The following DDX23 variants were observed in gnomAD, a reference collection of about 807,000 sequenced individuals.
DDX23 encodes probable ATP-dependent RNA helicase DDX23.
A neutral mutation model predicts 102.7 loss-of-function variants in DDX23; 33 were observed. That is an observed-to-expected ratio of 0.32 (90% confidence interval 0.24 to 0.43). The LOEUF is 0.43. Among genes scored for constraint, DDX23 ranks in the 20% least tolerant of loss-of-function variants. The pLI is 1.00. For missense variants in DDX23, 549 were observed against 1,086.6 expected, an observed-to-expected ratio of 0.51 and a Z score of 6.96; for synonymous variants, 352 against 376.0, an observed-to-expected ratio of 0.94 and a Z score of 0.74.
chr12:48,836,540 A>C lies in DDX23; in HGVS notation c.1236+29T>G. On this transcript the variant is annotated intron_variant, in intron 10 of 16. Transcript: ENST00000308025. This position sits in a 1 kb window ranked among gnomAD's most constrained non-coding sequence, Gnocchi z 6.1. ...CCAAACTAGTGTAGGAACATGTCAG[A>C]TCTCTTGGGCCAATCTATCCCTCCT... 6.2e-7 allele frequency: 1 copy of C among 1,600,464 alleles called. No homozygotes were observed. The highest frequency in any genetic ancestry group is 8.6e-7 in the Non-Finnish European group (1 of 1,169,486).
chr12:48,836,853 C>T lies in DDX23; in HGVS notation c.1010+41G>A, dbSNP rs773085640. ...TGCCCTCCAACTCCTTTCTGTAGAG[C>T]CTCTGGGCTCTGTCCAGCCACCCTA... On this transcript the variant is annotated intron_variant, in intron 9 of 16. Coordinates refer to ENST00000308025, the MANE Select transcript of DDX23 (RefSeq NM_004818.3). The surrounding 1 kb of genome is among the most constrained non-coding windows in gnomAD (Gnocchi z 6.1). 1.2e-6 allele frequency: 2 copies of T among 1,613,798 alleles called. No individual in the cohort carries two copies. Among genetic ancestry groups the T allele is most frequent in the Non-Finnish European group, 1.7e-6 (2 of 1,179,808 alleles).
At chr12:48,844,283 T>C (rs55928083) in intron 2 of DDX23, among the ~76,000 whole-genome samples, 4 of 152,132 alleles carry the variant, frequency 2.6e-5, no homozygotes, top group Non-Finnish European at 5.9e-5. Context: ...TGAACCTTCC[T>C]TTTTTATTTT....
chr12:48,839,600 A>T, intron 5 of DDX23: 3 of 307,218 alleles, frequency 9.8e-6, no homozygotes, highest in Admixed American at 4.7e-5. Context: ...TTTTAGGGTG[A>T]GCCCTAATCC....
At position 48,844,016 on chromosome 12, in the gene DDX23, CCTT is replaced by C; in HGVS notation, c.241_243del (p.Lys81del). The C allele has an allele frequency of 6.2e-7, 1 of 1,614,142 alleles. No individual in the cohort carries two copies. The highest frequency in any genetic ancestry group is 8.5e-7 in the Non-Finnish European group (1 of 1,180,034). On this transcript the variant is annotated inframe_deletion, in exon 3 of 17. Transcript: ENST00000308025. ...CGGTCCTTCTTATTCCGATCCCGCTCCTTATCTCGTTCTCGTTCTTTGTGCCGT... is the reference window on the plus strand; with the variant it reads ...CGGTCCTTCTTATTCCGATCCCGCTCATCTCGTTCTCGTTCTTTGTGCCGT...
chr12:48,839,908 G>C lies in DDX23; in HGVS notation c.416C>G (p.Ala139Gly), dbSNP rs772488272. 14 of 1,614,140 alleles carry C rather than the reference G, an allele frequency of 8.7e-6. No individual in the cohort carries two copies. The Admixed American group carries it at 2.2e-4, about 25-fold the overall frequency. The change falls in exon 5 of 17, where the codon GCC becomes GGC. Residue 139 changes from alanine to glycine, a missense_variant and splice_region_variant. Ala to Gly is a moderately conservative substitution (Grantham distance 60). Transcript: ENST00000308025. ...EDEHGDKKPK[A>G]QPLSLEELLA... is the part of the protein sequence containing the mutation. ...AAGCTCCTCCAGGGATAATGGCTGG[G>C]CCTGAAGATAAAACAGAACTTTAGT...
At position 48,838,055 on chromosome 12, in the gene DDX23, C is replaced by G; in HGVS notation, c.506G>C (p.Arg169Pro). Residue 169 changes from arginine to proline, a missense_variant, in exon 6 of 17, where the codon CGA (arginine) becomes CCA (proline). Physicochemically the swap from Arg to Pro is moderately radical, Grantham distance 103. Coordinates refer to ENST00000308025, the MANE Select transcript of DDX23 (RefSeq NM_004818.3). ...AKPKFLSKAE[R>P]EAEALKRRQQ... ...CCGTCGCTTTAGAGCTTCAGCCTCT[C>G]GTTCTGCTTTAGAGAGGAACTTGGG... 2 of 1,614,210 alleles carry G rather than the reference C, an allele frequency of 1.2e-6. No homozygotes were observed. The highest frequency in any genetic ancestry group is 1.7e-6 in the Non-Finnish European group (2 of 1,180,044).
At chr12:48,849,516 G>A (rs914272255) in intron 1 of DDX23, among the ~76,000 whole-genome samples, 1 of 152,046 alleles carries the variant, frequency 6.6e-6, no homozygotes, top group African/African-American at 2.4e-5. Context: ...ACAAAAATTA[G>A]CCAGGCGTGA....
At chr12:48,833,064 AC>A in intron 13 of DDX23, 1 of 631,134 alleles carries the variant, frequency 1.6e-6, no homozygotes, top group Non-Finnish European at 2.7e-6. Context: ...GCTCACTGCG[AC>A]CACTGCCTCC....
intron 1 of DDX23, among the ~76,000 whole-genome samples, chr12:48,849,208 T>C (rs1487495930): frequency 1.3e-5 from 2 of 151,744 alleles, no homozygotes; most frequent in African/African-American, 2.4e-5. Context: ...TAAAAACATA[T>C]TTGTTTGGCC....
rs997194939 is a variant in DDX23, at chr12:48,836,476, C to T, written c.1236+93G>A. On this transcript the variant is annotated intron_variant, in intron 10 of 16. Coordinates refer to ENST00000308025, the MANE Select transcript of DDX23 (RefSeq NM_004818.3). The surrounding 1 kb of genome is among the most constrained non-coding windows in gnomAD (Gnocchi z 6.1). The stretch of plus-strand genomic sequence containing the variant: ...AGGTCACATTGGTGCCCACTAGCAG[C>T]GATGGCTCCAAATAGTCAAGGAACA... 8.8e-6 allele frequency: 12 copies of T among 1,359,270 alleles called. No individual in the cohort carries two copies. Among genetic ancestry groups the T allele is most frequent in the East Asian group, 4.6e-5 (2 of 43,416 alleles). The allele number at this position is 1,359,270 out of a possible 1,614,324, so 84.2% of individuals were successfully genotyped here. A position where few individuals can be genotyped will look rare whatever the true frequency, so the allele number is the denominator to read the frequency against.
chr12:48,830,401 T>G lies in DDX23; in HGVS notation c.*68A>C, dbSNP rs1938367187. ...GAGTGAGGACCTGGAAAGAGGGATG[T>G]GAGGGTTCTGAAAAACAGGCATCAG... On this transcript the variant is annotated 3_prime_UTR_variant, in exon 17 of 17. Transcript: ENST00000308025. The surrounding 1 kb of genome is among the most constrained non-coding windows in gnomAD (Gnocchi z 4.9). The G allele has an allele frequency of 6.5e-7, 1 of 1,545,536 alleles. No individual in the cohort carries two copies. The highest frequency in any genetic ancestry group is 1.7e-5 in the Admixed American group (1 of 58,754).
At chr12:48,845,454 G>A (rs1318967579) in intron 2 of DDX23, 120 bp downstream of exon 2, 1 of 1,165,840 alleles carries the variant, frequency 8.6e-7, no homozygotes, top group Admixed American at 2.2e-5. Context: ...GCGAGACTCT[G>A]TCTCAAAAAA....
intron 15 of DDX23, 118 bp from the exon 16 acceptor site, chr12:48,831,434 G>T: frequency 2.1e-6 from 2 of 943,594 alleles, no homozygotes; most frequent in South Asian, 1.4e-5. Context: ...GTACGAGAAA[G>T]GAAAGGAAAC....
intron 1 of DDX23, among the ~76,000 whole-genome samples, chr12:48,849,663 G>GA (rs1160256920): frequency 2.1e-5 from 3 of 142,972 alleles, no homozygotes. Flanking sequence ...TCTGTCTCGA[G>GA]AGAAAAAAAA....
chr12:48,837,238 G>A, intron 8 of DDX23, 43 bp downstream of exon 8: 1 of 1,591,824 alleles, frequency 6.3e-7, no homozygotes, highest in Non-Finnish European at 8.6e-7. Context: ...CTCTAGGACT[G>A]CCTAGTGGAA....
intron 5 of DDX23, 111 bp from the exon 6 acceptor site, chr12:48,838,191 G>A (rs1259102565): frequency 1.3e-6 from 2 of 1,503,944 alleles, no homozygotes; most frequent in East Asian, 4.5e-5. Context: ...CATTAAGCCT[G>A]TTGAGGAAAA....
At chr12:48,842,517 C>T in intron 3 of DDX23, among the ~76,000 whole-genome samples, 1 of 146,826 alleles carries the variant, frequency 6.8e-6, no homozygotes, top group Admixed American at 6.7e-5. Context: ...AGCCCCCCGC[C>T]CGGCCAGCCG....
intron 12 of DDX23, 37 bp downstream of exon 12, chr12:48,834,283 C>T: frequency 1.9e-6 from 3 of 1,578,310 alleles, no homozygotes; most frequent in South Asian, 2.3e-5. Flanking sequence ...GATAGCCTTC[C>T]CAGACAGCAG....
intron 12 of DDX23, among the ~76,000 whole-genome samples, chr12:48,833,852 T>C (rs1385233589): frequency 1.3e-5 from 2 of 151,270 alleles, no homozygotes; most frequent in African/African-American, 4.9e-5. Flanking sequence ...ATGAAGGGGG[T>C]TGTATAAAGA....
Sources: allele counts gnomAD v4.1 joint callset (sites outside exome capture counted in the v4.1 genomes callset), GRCh38; gene constraint gnomAD v4.1.1; non-coding constraint Gnocchi (gnomAD v3.1); transcripts MANE v1.5; gene names NCBI Gene and HGNC (gene_info 2026-07-23, HGNC 2026-07-21).